SYNE2: variants seen among roughly 807,000 people sequenced by gnomAD.
SYNE2 encodes spectrin repeat containing nuclear envelope protein 2, also known as nesprin-2.
A neutral mutation model predicts 856.3 loss-of-function variants in SYNE2; 431 were observed. The observed-to-expected ratio is 0.50, with a 90% CI of 0.47 to 0.55. The LOEUF (loss-of-function observed/expected upper bound fraction) is 0.55, where lower values mean the gene tolerates loss of function less well. Ranked by LOEUF, SYNE2 falls within the 20% of genes least tolerant of loss-of-function variation. SYNE2 has a pLI of 0.00. For synonymous variants in SYNE2, 2,923 were observed against 2,872.3 expected, an observed-to-expected ratio of 1.02 and a Z score of -0.56; for missense variants, 8,129 against 8,023.2, an observed-to-expected ratio of 1.01 and a Z score of -0.50.
rs7494688 is a variant in SYNE2 at position 63,948,686 on chromosome 14, G to T, written c.409-1139G>T. Among the ~76,000 whole-genome samples the T allele has an allele frequency of 1.5e-4, 17 of 113,870 alleles. No individual in the cohort carries two copies. In the East Asian group the frequency reaches 3.9e-3, roughly 26 times the overall value. The allele number at this position is 113,870 out of a possible 152,430, so 74.7% of individuals were successfully genotyped here. A position where few individuals can be genotyped will look rare whatever the true frequency, so the allele number is the denominator to read the frequency against. ...AAAAAAAAAAAAATTATATATATAT[G>T]TGTGTATATATATATATATGTATAT... On this transcript the variant is annotated intron_variant, in intron 6 of 115. Coordinates refer to ENST00000555002, the MANE Select transcript of SYNE2 (RefSeq NM_182914.3).
chr14:64,120,632 G>A (rs929808923), intron 67 of SYNE2, among the ~76,000 whole-genome samples: 5 of 152,062 alleles, frequency 3.3e-5, no homozygotes, highest in Non-Finnish European at 7.4e-5. Flanking sequence ...GGTGTGGTGG[G>A]CACAACTGCA....
At chr14:64,141,210 GT>G in intron 80 of SYNE2, 130 bp from the exon 81 acceptor site, 1 of 435,404 alleles carries the variant, frequency 2.3e-6, no homozygotes, top group Non-Finnish European at 3.9e-6. Context: ...GGAAAAAGGG[GT>G]GTGTGTGTGT....
chr14:64,148,832 A>T (rs2098212808), intron 84 of SYNE2, among the ~76,000 whole-genome samples: 1 of 152,102 alleles, frequency 6.6e-6, no homozygotes, highest in Non-Finnish European at 1.5e-5. Context: ...CGTCTACCAG[A>T]TTGTGGGATT....
intron 2 of SYNE2, among the ~76,000 whole-genome samples, chr14:63,924,831 G>GTCTTTT (rs1566813188): frequency 3.3e-5 from 1 of 30,142 alleles, no homozygotes; most frequent in Non-Finnish European, 6.3e-5. Flanking sequence ...TTCCAGCCTT[G>GTCTTTT]GTGTTTTTTT....
At chr14:63,859,806 A>G (rs1033085521) in intron 1 of SYNE2, among the ~76,000 whole-genome samples, 2 of 152,030 alleles carry the variant, frequency 1.3e-5, no homozygotes, top group African/African-American at 4.8e-5. Context: ...ACAGAGCAAG[A>G]CTCTGCCTCG....
Position 64,189,946 on chromosome 14 carries a change from A to G in SYNE2, c.17872-125A>G, listed in dbSNP as rs368935939. ...CCAAACTGCTGGGATTATTGGTATGAGCCACTATGCCTGGCCAATTTTTTT... is the reference window on the plus strand; with the variant it reads ...CCAAACTGCTGGGATTATTGGTATGGGCCACTATGCCTGGCCAATTTTTTT... On this transcript the variant is annotated intron_variant, in intron 98 of 115. Coordinates refer to ENST00000555002, the MANE Select transcript of SYNE2 (RefSeq NM_182914.3). 1.5e-4 allele frequency: 166 copies of G among 1,077,078 alleles called. 2 individuals are homozygous for G. The highest frequency in any genetic ancestry group is 1.4e-3 in the East Asian group (56 of 38,764). 66.7% of individuals were successfully genotyped at this position (1,077,078 alleles called of 1,614,324 possible). A position where few individuals can be genotyped will look rare whatever the true frequency, so the allele number is the denominator to read the frequency against.
At chr14:63,951,758 C>G in intron 7 of SYNE2, among the ~76,000 whole-genome samples, 1 of 152,320 alleles carries the variant, frequency 6.6e-6, no homozygotes, top group East Asian at 1.9e-4. Flanking sequence ...TTTTAAAAAT[C>G]CCAAACAGTA....
At chr14:63,844,987 C>G (rs1385687294) in intron 1 of SYNE2, among the ~76,000 whole-genome samples, 3 of 152,146 alleles carry the variant, frequency 2.0e-5, no homozygotes, top group Admixed American at 6.6e-5. Context: ...CCTCATGAAG[C>G]CATCTGGGCC....
At chr14:63,900,829 C>T (rs2095327289) in intron 1 of SYNE2, among the ~76,000 whole-genome samples, 1 of 152,202 alleles carries the variant, frequency 6.6e-6, no homozygotes, top group African/African-American at 2.4e-5. Context: ...TGCAGTGTTT[C>T]ACCAACTTTC....
chr14:64,100,534 ATATATATATATATATAT>A lies in SYNE2; in HGVS notation c.12382-1397_12382-1381del, dbSNP rs2097717761. ...TGTCTCAAAAAAAAAAAAAAAAAAT[ATATATATATATATATAT>A]ATATATATATATATATATATTTATG... On this transcript the variant is annotated intron_variant, in intron 63 of 115. Coordinates refer to ENST00000555002, the MANE Select transcript of SYNE2 (RefSeq NM_182914.3). 1.9e-3 allele frequency among the ~76,000 whole-genome samples: 87 copies of A among 46,602 alleles called. 3 individuals are homozygous for A. Among genetic ancestry groups the A allele is most frequent in the South Asian group, 4.3e-3 (4 of 940 alleles). 30.6% of individuals were successfully genotyped at this position (46,602 alleles called of 152,430 possible).
At chr14:64,183,958 A>AGGGAGGGGGTGGGGAGGGGGAG (rs2098475136) in intron 96 of SYNE2, among the ~76,000 whole-genome samples, 1 of 9,820 alleles carries the variant, frequency 1.0e-4, no homozygotes, top group Non-Finnish European at 2.2e-4. Flanking sequence ...AAGAAGGGAG[A>AGGGAGGGGGTGGGGAGGGGGAG]GGGAGGGGGT....
intron 108 of SYNE2, chr14:64,218,185 C>T: frequency 3.8e-6 from 2 of 531,124 alleles, no homozygotes; most frequent in South Asian, 3.9e-5. Flanking sequence ...CTTCCCTCTC[C>T]CTGGGCCTTA....
chr14:64,053,807 T>A, intron 48 of SYNE2, 150 bp downstream of exon 48: 15 of 671,850 alleles, frequency 2.2e-5, no homozygotes, highest in Middle Eastern at 4.2e-4. Context: ...ATACTAAAAA[T>A]ACAAAAAAAA....
chr14:63,801,432 A>G (rs11158508), intron 1 of SYNE2, among the ~76,000 whole-genome samples: 96,146 of 152,090 alleles, frequency 0.63, 30,863 homozygotes, highest in South Asian at 0.75. Context: ...AGCACTTCAG[A>G]AGGCTGAGGC....
rs112193101 is a variant in SYNE2 at position 63,763,088 on chromosome 14, C to T, written c.-305+1102C>T. ...GTTCAAGAAATTCTCCTGTCTCAGC[C>T]TCTCCAGTAGCTGGGACTACAGGCG... On this transcript the variant is annotated intron_variant, in intron 1 of 23. Coordinates refer to the SYNE2 transcript ENST00000674003. 5.2e-3 allele frequency among the ~76,000 whole-genome samples: 795 copies of T among 152,296 alleles called. 5 individuals carry two copies. Among genetic ancestry groups the T allele is most frequent in the African/African-American group, 0.018 (733 of 41,568 alleles).
intron 1 of SYNE2, among the ~76,000 whole-genome samples, chr14:63,807,819 T>TCA (rs1888423337): frequency 3.9e-5 from 1 of 25,466 alleles, no homozygotes; most frequent in African/African-American, 9.6e-5. Flanking sequence ...TACTCCAGGC[T>TCA]TATATATATA....
chr14:64,182,591 C>G (rs1228185362), intron 96 of SYNE2, among the ~76,000 whole-genome samples: 1 of 151,752 alleles, frequency 6.6e-6, no homozygotes, highest in African/African-American at 2.4e-5. Flanking sequence ...GGTGATGACT[C>G]TTAACGAGCA....
At chr14:64,117,809 T>C (rs1167098357) in intron 66 of SYNE2, among the ~76,000 whole-genome samples, 2 of 152,166 alleles carry the variant, frequency 1.3e-5, no homozygotes, top group African/African-American at 4.8e-5. Flanking sequence ...ACTCAACCTC[T>C]ACTAAGTAAC....
At chr14:64,138,758 T>C (rs2098115903) in intron 79 of SYNE2, among the ~76,000 whole-genome samples, 1 of 152,196 alleles carries the variant, frequency 6.6e-6, no homozygotes, top group African/African-American at 2.4e-5. Context: ...ATAGAACATT[T>C]AAACATCATT....
Sources: allele counts gnomAD v4.1 joint callset (sites outside exome capture counted in the v4.1 genomes callset), GRCh38; gene constraint gnomAD v4.1.1; transcripts MANE v1.5; gene names NCBI Gene and HGNC (gene_info 2026-07-23, HGNC 2026-07-21).